RAB27B: variants seen among roughly 807,000 people sequenced by gnomAD.
RAB27B encodes RAB27B, member RAS oncogene family, also known as ras-related protein Rab-27B.
In RAB27B, 15 loss-of-function variants were observed where a neutral mutation model predicts 24.6. The observed-to-expected ratio is 0.61, with a 90% CI of 0.41 to 0.94. RAB27B has a LOEUF of 0.94. Ranked by LOEUF, RAB27B falls within the 40% of genes least tolerant of loss-of-function variation. The pLI is 0.00. For missense variants in RAB27B, 261 were observed against 266.8 expected (o/e 0.98, Z 0.15); for synonymous variants, 105 against 92.5 (o/e 1.14, Z -0.78).
upstream of RAB27B, among the ~76,000 whole-genome samples, chr18:54,827,271 C>T (rs1598934935): frequency 6.6e-6 from 1 of 152,290 alleles, no homozygotes; most frequent in East Asian, 1.9e-4. Flanking sequence ...TAAGTATAGC[C>T]AACACATTCA....
chr18:54,861,772 G>A (rs1378657671), intron 1 of RAB27B, among the ~76,000 whole-genome samples: 2 of 152,104 alleles, frequency 1.3e-5, no homozygotes, highest in African/African-American at 4.8e-5. Context: ...GGGCACTGGG[G>A]AGTTTTTAAA....
chr18:54,794,487 G>T (rs1208900120), intron 2 of RAB27B, among the ~76,000 whole-genome samples: 3 of 152,180 alleles, frequency 2.0e-5, no homozygotes, highest in African/African-American at 7.2e-5. Context: ...AAAGTCTTCA[G>T]ATTTTTCTGA....
Position 54,892,811 on chromosome 18 carries a change from A to G in RAB27B, c.*3398A>G, listed in dbSNP as rs1412688960. ...TTTTATCTGTTACTTTTAACCAGAT[A>G]GGTGTCTTTGTCATCCTTCTACTAT... On this transcript the variant is annotated 3_prime_UTR_variant, in exon 6 of 6. Transcript: ENST00000262094. The G allele has an allele frequency of 6.6e-6, 1 of 152,104 alleles. No individual in the cohort carries two copies. Among genetic ancestry groups the G allele is most frequent in the African/African-American group, 2.4e-5 (1 of 41,442 alleles). 9.4% of individuals were successfully genotyped at this position (152,104 alleles called of 1,614,324 possible).
At chr18:54,848,392 A>G (rs572169677) in intron 1 of RAB27B, among the ~76,000 whole-genome samples, 1 of 152,304 alleles carries the variant, frequency 6.6e-6, no homozygotes, top group East Asian at 1.9e-4. Context: ...AATATTAAAT[A>G]GGAAAAATCA....
chr18:54,749,492 C>A (rs1907761070), intron 2 of RAB27B, among the ~76,000 whole-genome samples: 1 of 152,090 alleles, frequency 6.6e-6, no homozygotes, highest in Admixed American at 6.6e-5. Flanking sequence ...AGTTTTGGCT[C>A]ACAGATCCTA....
At chr18:54,842,654 G>T (rs533610425) in intron 1 of RAB27B, among the ~76,000 whole-genome samples, 1 of 152,122 alleles carries the variant, frequency 6.6e-6, no homozygotes, top group Non-Finnish European at 1.5e-5. Flanking sequence ...GACACATCTT[G>T]CTGTTATGTC....
rs183970629 is a variant in RAB27B at position 54,854,609 on chromosome 18, A to G, written c.-19-22958A>G. Among the ~76,000 whole-genome samples, 152 of 152,324 alleles carry G rather than the reference A, an allele frequency of 1.0e-3. 1 individual carries two copies. Among genetic ancestry groups the G allele is most frequent in the African/African-American group, 3.3e-3 (138 of 41,576 alleles). On this transcript the variant is annotated intron_variant, in intron 1 of 5. Coordinates refer to ENST00000262094, the MANE Select transcript of RAB27B (RefSeq NM_004163.4). ...TTCCTAACCCACCATTTAGATCTCT[A>G]TAATACAGGTTCTGAGAACTCAACA... is the stretch of plus-strand genomic sequence containing the variant.
chr18:54,821,442 G>A (rs1910307470), intron 2 of RAB27B, among the ~76,000 whole-genome samples: 2 of 152,060 alleles, frequency 1.3e-5, no homozygotes, highest in Non-Finnish European at 2.9e-5. Context: ...AATCAATATC[G>A]TGAAAATGGC....
At chr18:54,768,027 G>A (rs1908419753) in intron 2 of RAB27B, among the ~76,000 whole-genome samples, 1 of 152,094 alleles carries the variant, frequency 6.6e-6, no homozygotes, top group South Asian at 2.1e-4. Context: ...GAGGAAAGAT[G>A]GGGAAAGCAA....
intron 1 of RAB27B, among the ~76,000 whole-genome samples, chr18:54,859,447 A>AGTG (rs1911922602): frequency 6.6e-6 from 1 of 151,910 alleles, no homozygotes; most frequent in African/African-American, 2.4e-5. Context: ...CCACTTTCAA[A>AGTG]TATTTCATAA....
At chr18:54,814,339 T>G (rs1910058135) in intron 2 of RAB27B, among the ~76,000 whole-genome samples, 1 of 152,230 alleles carries the variant, frequency 6.6e-6, no homozygotes, top group Non-Finnish European at 1.5e-5. Context: ...TTTAAAACCC[T>G]ACATAAATTA....
intron 2 of RAB27B, among the ~76,000 whole-genome samples, chr18:54,764,803 G>A (rs1217642628): frequency 6.6e-6 from 1 of 152,058 alleles, no homozygotes; most frequent in Non-Finnish European, 1.5e-5. Context: ...CTCCAGGGAA[G>A]GTGTTTGTCC....
chr18:54,866,905 C>T (rs1370346754), intron 1 of RAB27B, among the ~76,000 whole-genome samples: 2 of 152,130 alleles, frequency 1.3e-5, no homozygotes, highest in African/African-American at 2.4e-5. Context: ...TTTTTATGTA[C>T]GGATCCTGGG....
chr18:54,765,111 AAACC>A (rs1908319565), intron 2 of RAB27B, among the ~76,000 whole-genome samples: 1 of 152,196 alleles, frequency 6.6e-6, no homozygotes, highest in South Asian at 2.1e-4. Context: ...CAAGCAAAAA[AAACC>A]AAAAAGAAAA....
At chr18:54,873,869 A>T (rs572065796) in intron 1 of RAB27B, among the ~76,000 whole-genome samples, 43 of 152,284 alleles carry the variant, frequency 2.8e-4, no homozygotes, top group African/African-American at 9.9e-4. Flanking sequence ...CAAATAGCCT[A>T]TTGGAAAAAT....
At chr18:54,722,970 A>C (rs1285789414) in intron 2 of RAB27B, among the ~76,000 whole-genome samples, 2 of 152,150 alleles carry the variant, frequency 1.3e-5, no homozygotes, top group Non-Finnish European at 2.9e-5. Context: ...AACTAAACTA[A>C]ATTTTTTTTT....
At chr18:54,813,211 C>T (rs926990354) in intron 2 of RAB27B, among the ~76,000 whole-genome samples, 1 of 152,096 alleles carries the variant, frequency 6.6e-6, no homozygotes, top group Non-Finnish European at 1.5e-5. Flanking sequence ...AGTTTCTTAC[C>T]TTCTTCTATT....
chr18:54,837,338 C>T (rs904197829), intron 1 of RAB27B, among the ~76,000 whole-genome samples: 1 of 151,908 alleles, frequency 6.6e-6, no homozygotes, highest in African/African-American at 2.4e-5. Flanking sequence ...ATTAACCAGA[C>T]ATTGGGGGAA....
At chr18:54,752,719 T>C (rs1489728712) in intron 2 of RAB27B, among the ~76,000 whole-genome samples, 2 of 152,214 alleles carry the variant, frequency 1.3e-5, no homozygotes, top group Admixed American at 6.5e-5. Flanking sequence ...CCAGGAGGTC[T>C]ATGAAAGTCC....
Sources: allele counts gnomAD v4.1 joint callset (sites outside exome capture counted in the v4.1 genomes callset), GRCh38; gene constraint gnomAD v4.1.1; transcripts MANE v1.5; gene names NCBI Gene and HGNC (gene_info 2026-07-23, HGNC 2026-07-21).